MED28: variants seen among roughly 807,000 people sequenced by gnomAD.
MED28 encodes the protein mediator complex subunit 28.
In MED28, 26 loss-of-function variants were observed where a neutral mutation model predicts 21.3. That is an observed-to-expected ratio of 1.22 (90% CI 0.89 to 1.69). MED28 has a LOEUF of 1.69. Ranked by LOEUF, MED28 falls within the 40% of genes most tolerant of loss-of-function variation. The probability of loss-of-function intolerance (pLI) is 0.00; values close to 1 mark genes in which losing one functional copy is unlikely to be tolerated. For missense variants in MED28, 257 were observed against 215.4 expected (o/e 1.19, Z -1.21); for synonymous variants, 110 against 87.6 (o/e 1.26, Z -1.43).
chr4:17,634,016 A>T lies in MED28; in HGVS notation c.*10218A>T. On this transcript the variant is annotated 3_prime_UTR_variant, in exon 4 of 4. Coordinates refer to ENST00000237380, the MANE Select transcript of MED28 (RefSeq NM_025205.5). ...GAAGAAGCAACAATTTCATTTATAC[A>T]CTTACATGCTATTTTTTAAAGCACT... 1 of 627,156 alleles carries T rather than the reference A, an allele frequency of 1.6e-6. No individual in the cohort carries two copies. The highest frequency in any genetic ancestry group is 2.4e-6 in the Non-Finnish European group (1 of 415,412). The allele number at this position is 627,156 out of a possible 1,614,324, so 38.8% of individuals were successfully genotyped here.
intron 1 of MED28, among the ~76,000 whole-genome samples, chr4:17,616,115 C>A (rs1251544870): frequency 1.3e-5 from 2 of 152,152 alleles, no homozygotes; most frequent in Non-Finnish European, 2.9e-5. Context: ...CACCTGCCAC[C>A]ATGCTATTTT....
At chr4:17,615,157 C>T (rs919774095) in intron 1 of MED28, among the ~76,000 whole-genome samples, 3 of 152,194 alleles carry the variant, frequency 2.0e-5, no homozygotes, top group African/African-American at 7.2e-5. Flanking sequence ...CTTTTCGGAG[C>T]TGAGAGTTTC....
chr4:17,620,719 C>CA (rs1714602561), intron 2 of MED28, among the ~76,000 whole-genome samples: 1 of 120,806 alleles, frequency 8.3e-6, no homozygotes, highest in Non-Finnish European at 1.6e-5. Flanking sequence ...TTTTTGGAGA[C>CA]AGAGTTCTTG....
intron 2 of MED28, among the ~76,000 whole-genome samples, chr4:17,621,078 G>A (rs966460821): frequency 1.4e-5 from 2 of 147,712 alleles, no homozygotes; most frequent in East Asian, 2.1e-4. Context: ...GCAGTGGCGC[G>A]ATCTCGGCTC....
At position 17,630,684 on chromosome 4, in the gene MED28, G is replaced by GTGTT. The variant is rs956012092; in HGVS notation, c.*6893_*6896dup. 1.3e-5 allele frequency: 2 copies of GTGTT among 152,164 alleles called. No individual in the cohort carries two copies. The highest frequency in any genetic ancestry group is 6.5e-5 in the Admixed American group (1 of 15,272). The allele number at this position is 152,164 out of a possible 1,614,324, so 9.4% of individuals were successfully genotyped here. A position where few individuals can be genotyped will look rare whatever the true frequency, so the allele number is the denominator to read the frequency against. ...ATGGTGTGTTAATGTATGGTGACAA[G>GTGTT]TGTTTGTTTGCATTTAAAAATGCAT... On this transcript the variant is annotated 3_prime_UTR_variant, in exon 4 of 4. Transcript: ENST00000237380.
At chr4:17,619,768 C>T (rs1344635218) in intron 1 of MED28, 133 bp from the exon 2 acceptor site, 3 of 719,932 alleles carry the variant, frequency 4.2e-6, no homozygotes, top group Non-Finnish European at 7.2e-6. Context: ...GGCATGGTGT[C>T]TTGCCATCTC....
intron 1 of MED28, among the ~76,000 whole-genome samples, chr4:17,616,438 C>A (rs977957179): frequency 1.3e-5 from 2 of 152,150 alleles, no homozygotes; most frequent in Non-Finnish European, 1.5e-5. Flanking sequence ...AAGTCTTAGC[C>A]AAAGTTGACT....
rs996204270 is a variant in MED28, at chr4:17,614,786, G to C, written c.132G>C (p.Leu44Phe). 6.2e-7 allele frequency: 1 copy of C among 1,612,518 alleles called. No individual in the cohort carries two copies. Among genetic ancestry groups the C allele is most frequent in the Non-Finnish European group, 8.5e-7 (1 of 1,179,366 alleles). Residue 44 changes from leucine to phenylalanine, a missense_variant, in exon 1 of 4, where the codon TTG (leucine) becomes TTC (phenylalanine). Physicochemically the swap from Leu to Phe is conservative, Grantham distance 22 (BLOSUM62 0). Transcript: ENST00000237380. ...PGAPRPSSST[L>F]VDELESSFEA... ...CTCCTAGACCTTCCAGCAGTACTTT[G>C]GTGGACGAGTTGGAGTCATCTTTCG... is the stretch of plus-strand genomic sequence containing the variant.
chr4:17,617,968 A>G (rs1466686946), intron 1 of MED28, among the ~76,000 whole-genome samples: 1 of 150,838 alleles, frequency 6.6e-6, no homozygotes, highest in East Asian at 1.9e-4. Flanking sequence ...ACAGCTGTCC[A>G]ACTGTCTATA....
chr4:17,626,569 A>G lies in MED28; in HGVS notation c.*2771A>G, dbSNP rs573444704. ...TGAAAGGTAGAAAGTTCCACCAAGA[A>G]GGCCTTTTTTCTTGAATACTGCTTA... On this transcript the variant is annotated 3_prime_UTR_variant, in exon 4 of 4. Coordinates refer to ENST00000237380, the MANE Select transcript of MED28 (RefSeq NM_025205.5). 6.6e-6 allele frequency: 1 copy of G among 152,262 alleles called. No individual in the cohort carries two copies. The highest frequency in any genetic ancestry group is 2.4e-5 in the African/African-American group (1 of 41,540). 9.4% of individuals were successfully genotyped at this position (152,262 alleles called of 1,614,324 possible).
Position 17,614,695 on chromosome 4 carries a change from C to G in MED28, c.41C>G (p.Pro14Arg). The G allele has an allele frequency of 6.2e-7, 1 of 1,614,164 alleles. No homozygotes were observed. Among genetic ancestry groups the G allele is most frequent in the Non-Finnish European group, 8.5e-7 (1 of 1,180,028 alleles). The change falls in exon 1 of 4, where the codon CCC becomes CGC. Residue 14 changes from proline (P) to arginine (R), a missense_variant. Pro to Arg is a moderately radical substitution (Grantham distance 103). Coordinates refer to ENST00000237380, the MANE Select transcript of MED28 (RefSeq NM_025205.5). Reference protein sequence around the residue: ...PLGGMFSGQPPGPPQAPPGLP... With the variant: ...PLGGMFSGQPRGPPQAPPGLP... ...GGGGGTATGTTTTCTGGGCAGCCAC[C>G]CGGTCCCCCTCAGGCCCCGCCGGGC...
chr4:17,618,465 A>G (rs1355560048), intron 1 of MED28, among the ~76,000 whole-genome samples: 1 of 152,078 alleles, frequency 6.6e-6, no homozygotes, highest in Non-Finnish European at 1.5e-5. Context: ...TCCAGTAGCC[A>G]TAGGTCTCAC....
chr4:17,624,447 A>G lies in MED28; in HGVS notation c.*649A>G, dbSNP rs1714721140. The G allele has an allele frequency of 2.6e-5, 4 of 151,580 alleles. No individual in the cohort carries two copies. The highest frequency in any genetic ancestry group is 5.9e-5 in the Non-Finnish European group (4 of 68,090). 9.4% of individuals were successfully genotyped at this position (151,580 alleles called of 1,614,324 possible). A position where few individuals can be genotyped will look rare whatever the true frequency, so the allele number is the denominator to read the frequency against. On this transcript the variant is annotated 3_prime_UTR_variant, in exon 4 of 4. Transcript: ENST00000237380. Reference sequence around the variant, plus strand: ...TCTGTTTGGGGTATGTTTATATTTTATGTGGTGTTTACTTTTTTTTTTTGA... The same window carrying G: ...TCTGTTTGGGGTATGTTTATATTTTGTGTGGTGTTTACTTTTTTTTTTTGA...
Position 17,623,986 on chromosome 4 carries a change from T to C in MED28, c.*188T>C. The C allele has an allele frequency of 3.2e-6, 2 of 633,696 alleles. No individual in the cohort carries two copies. Among genetic ancestry groups the C allele is most frequent in the Non-Finnish European group, 2.8e-6 (1 of 363,432 alleles). 39.3% of individuals were successfully genotyped at this position (633,696 alleles called of 1,614,324 possible). A position where few individuals can be genotyped will look rare whatever the true frequency, so the allele number is the denominator to read the frequency against. On this transcript the variant is annotated 3_prime_UTR_variant, in exon 4 of 4. Coordinates refer to ENST00000237380, the MANE Select transcript of MED28 (RefSeq NM_025205.5). ...TTAATTTCTTGAGTACTTTATAACA[T>C]GTCTGTAGCTTGGATAAACCAAGTA...
At chr4:17,620,215 G>GC in intron 2 of MED28, 1 of 473,544 alleles carries the variant, frequency 2.1e-6, no homozygotes, top group Non-Finnish European at 3.8e-6. Flanking sequence ...GACCAATAGT[G>GC]TGTACTGCTT....
rs1203001598 is a variant in MED28 at position 17,614,827 on chromosome 4, T to C, written c.159+14T>C. ...TCATCTTTCGAGGTAATATAAGACA[T>C]GGGCGTCTTTGTCCCTAGCCTTCCC... On this transcript the variant is annotated intron_variant, in intron 1 of 3. Transcript: ENST00000237380. 3 of 1,588,192 alleles carry C rather than the reference T, an allele frequency of 1.9e-6. No individual in the cohort carries two copies. The highest frequency in any genetic ancestry group is 2.7e-5 in the African/African-American group (2 of 73,362).
Position 17,633,683 on chromosome 4 carries a change from C to T in MED28, c.*9885C>T, listed in dbSNP as rs1220171277. Reference sequence around the variant, plus strand: ...TAAGGGCCCCTGTCCCCAACATCCCCCAAACCTTGTGGCAGTTTTTGCATC... The same window carrying T: ...TAAGGGCCCCTGTCCCCAACATCCCTCAAACCTTGTGGCAGTTTTTGCATC... On this transcript the variant is annotated 3_prime_UTR_variant, in exon 4 of 4. Coordinates refer to ENST00000237380, the MANE Select transcript of MED28 (RefSeq NM_025205.5). The T allele has an allele frequency of 3.9e-6, 6 of 1,522,692 alleles. No individual in the cohort carries two copies. The highest frequency in any genetic ancestry group is 5.1e-5 in the East Asian group (2 of 39,540). The allele number at this position is 1,522,692 out of a possible 1,614,324, so 94.3% of individuals were successfully genotyped here.
chr4:17,623,341 C>T (rs1714687300), intron 3 of MED28, among the ~76,000 whole-genome samples: 1 of 145,996 alleles, frequency 6.8e-6, no homozygotes, highest in African/African-American at 2.5e-5. Context: ...GTGGAGGCTG[C>T]ACTGAGCCGA....
At chr4:17,614,852 C>G (rs886460477) in intron 1 of MED28, 39 bp downstream of exon 1, 1 of 1,552,416 alleles carries the variant, frequency 6.4e-7, no homozygotes, top group Non-Finnish European at 8.7e-7. Context: ...CTAGCCTTCC[C>G]TTTTTTCTGA....
Sources: allele counts gnomAD v4.1 joint callset (sites outside exome capture counted in the v4.1 genomes callset), GRCh38; gene constraint gnomAD v4.1.1; transcripts MANE v1.5; gene names NCBI Gene and HGNC (gene_info 2026-07-23, HGNC 2026-07-21).